EPHB1: variants seen among roughly 807,000 people sequenced by gnomAD.
EPHB1 encodes EPH receptor B1.
Under a neutral mutation model 94.4 loss-of-function variants are expected in EPHB1, and 30 were observed. The observed-to-expected ratio is 0.32, with a 90% CI of 0.24 to 0.43. The LOEUF (loss-of-function observed/expected upper bound fraction) is 0.43. EPHB1 is among the 20% of genes least tolerant of loss of function. The pLI is 1.00. For synonymous variants in EPHB1, 522 were observed against 489.1 expected (o/e 1.07, Z -0.89); for missense variants, 1,055 against 1,308.3 (o/e 0.81, Z 2.99).
chr3:134,873,563 T>C (rs1278303212), intron 1 of EPHB1, among the ~76,000 whole-genome samples: 12 of 152,258 alleles, frequency 7.9e-5, no homozygotes, highest in Admixed American at 7.8e-4. Context: ...GTTGTTAATT[T>C]ACAAGGTTCT....
At chr3:134,987,789 CAAA>C (rs1220988767) in intron 3 of EPHB1, among the ~76,000 whole-genome samples, 2 of 151,918 alleles carry the variant, frequency 1.3e-5, no homozygotes, top group African/African-American at 4.8e-5. Context: ...AACAAACAAA[CAAA>C]CAAACCATGT....
intron 3 of EPHB1, among the ~76,000 whole-genome samples, chr3:135,088,337 C>T (rs1938433725): frequency 6.6e-6 from 1 of 152,192 alleles, no homozygotes; most frequent in African/African-American, 2.4e-5. Flanking sequence ...ATTGTTTTAT[C>T]TCTGAGCCTC....
chr3:134,857,673 C>T (rs1044714871), intron 1 of EPHB1, among the ~76,000 whole-genome samples: 1 of 152,102 alleles, frequency 6.6e-6, no homozygotes, highest in Non-Finnish European at 1.5e-5. Context: ...GCAGTGCTCA[C>T]CCCAAGTGAC....
At chr3:135,182,237 A>G (rs1942175044) in intron 10 of EPHB1, among the ~76,000 whole-genome samples, 1 of 152,202 alleles carries the variant, frequency 6.6e-6, no homozygotes, top group Admixed American at 6.5e-5. Context: ...AAAGTAAGGA[A>G]TTTGTTAAGG....
chr3:135,041,550 G>A (rs1236541003), intron 3 of EPHB1, among the ~76,000 whole-genome samples: 1 of 152,358 alleles, frequency 6.6e-6, no homozygotes, highest in African/African-American at 2.4e-5. Flanking sequence ...AGACTGCTGA[G>A]TACTATGGGC....
intron 3 of EPHB1, among the ~76,000 whole-genome samples, chr3:135,013,133 A>G (rs1935676910): frequency 6.6e-6 from 1 of 152,144 alleles, no homozygotes; most frequent in South Asian, 2.1e-4. Flanking sequence ...ATGGGGAGTC[A>G]TTTCCGTTTA....
chr3:135,037,708 A>G (rs1371898820), intron 3 of EPHB1, among the ~76,000 whole-genome samples: 2 of 152,258 alleles, frequency 1.3e-5, no homozygotes, highest in South Asian at 4.1e-4. Context: ...CACTTTGGAT[A>G]AAAGTCTTAT....
chr3:135,096,891 A>G (rs187167332), intron 3 of EPHB1, among the ~76,000 whole-genome samples: 1 of 152,036 alleles, frequency 6.6e-6, no homozygotes, highest in Admixed American at 6.6e-5. Context: ...AGGTCGGGAG[A>G]TCGAGACCAT....
intron 15 of EPHB1, among the ~76,000 whole-genome samples, chr3:135,253,584 G>T (rs1177864186): frequency 6.7e-6 from 1 of 149,874 alleles, no homozygotes; most frequent in African/African-American, 2.5e-5. Flanking sequence ...CTCTGTTTTG[G>T]TACCAGTACC....
At chr3:135,124,637 C>T (rs1340057838) in intron 4 of EPHB1, among the ~76,000 whole-genome samples, 2 of 151,726 alleles carry the variant, frequency 1.3e-5, no homozygotes, top group African/African-American at 4.9e-5. Context: ...ATAGGCTATG[C>T]CAAAATCCAG....
chr3:134,959,319 C>T (rs1020214978), intron 3 of EPHB1, among the ~76,000 whole-genome samples: 2 of 152,126 alleles, frequency 1.3e-5, no homozygotes, highest in Admixed American at 6.5e-5. Context: ...AGGAGCATTT[C>T]TGGGCACCAG....
At chr3:135,257,970 G>A (rs1363113260) in intron 15 of EPHB1, among the ~76,000 whole-genome samples, 6 of 152,130 alleles carry the variant, frequency 3.9e-5, no homozygotes, top group Non-Finnish European at 5.9e-5. Context: ...GGAGTGACCC[G>A]ATTTTCCAGG....
chr3:134,982,452 C>T (rs905005102), intron 3 of EPHB1, among the ~76,000 whole-genome samples: 1 of 152,110 alleles, frequency 6.6e-6, no homozygotes. Context: ...TGTGTTCCTG[C>T]GTGAGAAGGC....
chr3:135,200,789 A>C (rs1942730294), intron 11 of EPHB1, among the ~76,000 whole-genome samples: 1 of 152,190 alleles, frequency 6.6e-6, no homozygotes, highest in Non-Finnish European at 1.5e-5. Flanking sequence ...AGTGCTAATC[A>C]TATTTTGGGG....
intron 3 of EPHB1, among the ~76,000 whole-genome samples, chr3:135,088,570 A>G (rs958774361): frequency 3.3e-5 from 5 of 152,190 alleles, no homozygotes; most frequent in Non-Finnish European, 7.3e-5. Flanking sequence ...TTGCTTTGAC[A>G]TTCTTAGCAC....
At chr3:135,190,120 C>T (rs1338493493) in intron 10 of EPHB1, among the ~76,000 whole-genome samples, 1 of 152,192 alleles carries the variant, frequency 6.6e-6, no homozygotes, top group Admixed American at 6.5e-5. Context: ...GCTGTAACTC[C>T]CAGCTGTGTG....
At chr3:135,052,909 ATG>A (rs745760849) in intron 3 of EPHB1, among the ~76,000 whole-genome samples, 5,321 of 68,654 alleles carry the variant, frequency 0.078, 507 homozygotes, top group African/African-American at 0.17. Context: ...ATATATATAT[ATG>A]TGTGTGTGTG....
chr3:135,154,132 GTTTC>G lies in EPHB1; in HGVS notation c.1298-14_1298-11del. The G allele has an allele frequency of 6.2e-7, 1 of 1,613,664 alleles. No individual in the cohort carries two copies. Among genetic ancestry groups the G allele is most frequent in the Non-Finnish European group, 8.5e-7 (1 of 1,179,732 alleles). On this transcript the variant is annotated splice_polypyrimidine_tract_variant and intron_variant, in intron 5 of 15. Transcript: ENST00000398015. The stretch of plus-strand genomic sequence containing the variant: ...AATTGAGTGTCTGTTCAGCTACCCT[GTTTC>G]TTTCTCTCTCCACAGCCCCCTCCAC...
intron 2 of EPHB1, among the ~76,000 whole-genome samples, chr3:134,928,491 A>G (rs1485671137): frequency 6.6e-6 from 1 of 152,196 alleles, no homozygotes; most frequent in Non-Finnish European, 1.5e-5. Context: ...ACCTGACTCA[A>G]TGTTTCACTA....
Sources: gnomAD v4.1 joint callset for allele counts (sites outside exome capture counted in the v4.1 genomes callset) on GRCh38, gnomAD v4.1.1 for gene constraint, MANE v1.5 for transcripts, NCBI Gene and HGNC (gene_info 2026-07-23, HGNC 2026-07-21) for gene names.